The following TNXB variants were observed in gnomAD, a reference collection of about 807,000 sequenced individuals.
TNXB encodes tenascin XB.
TNXB carries 183 observed loss-of-function variants against 340.5 expected under a neutral mutation model. That is an observed-to-expected ratio of 0.54 (90% CI 0.48 to 0.61). The LOEUF is 0.61. Among genes scored for constraint, TNXB ranks in the 20% least tolerant of loss-of-function variants. The probability of loss-of-function intolerance (pLI) is 0.00; values close to 1 mark genes in which losing one functional copy is unlikely to be tolerated. For missense variants in TNXB, 4,613 were observed against 5,446.4 expected (o/e 0.85, Z 4.82); for synonymous variants, 2,121 against 2,314.5 (o/e 0.92, Z 2.40).
intron 18 of TNXB, among the ~76,000 whole-genome samples, chr6:32,065,466 A>G (rs1178672135): frequency 1.3e-5 from 2 of 152,066 alleles, no homozygotes; most frequent in African/African-American, 4.8e-5. Flanking sequence ...CTCAATTGCA[A>G]TGTATCCTCC....
At position 32,046,730 on chromosome 6, in the gene TNXB, T is replaced by C; in HGVS notation, c.10325-274A>G. The C allele has an allele frequency of 2.8e-6, 1 of 362,366 alleles. No individual in the cohort carries two copies. The highest frequency in any genetic ancestry group is 5.0e-6 in the Non-Finnish European group (1 of 200,454). The allele number at this position is 362,366 out of a possible 1,614,324, so 22.4% of individuals were successfully genotyped here. A position where few individuals can be genotyped will look rare whatever the true frequency, so the allele number is the denominator to read the frequency against. On this transcript the variant is annotated intron_variant, in intron 30 of 43. Transcript: ENST00000644971. The surrounding 1 kb of genome is among the most constrained non-coding windows in gnomAD (Gnocchi z 6.9). Reference sequence around the variant, plus strand: ...TGCGCCAAATTCATTACAGATCATCTCCCGAGGGATGGGTGGCTGGGGGTG... The same window carrying C: ...TGCGCCAAATTCATTACAGATCATCCCCCGAGGGATGGGTGGCTGGGGGTG...
intron 11 of TNXB, among the ~76,000 whole-genome samples, chr6:32,076,914 A>G (rs1043506811): frequency 5.3e-4 from 80 of 152,304 alleles, no homozygotes; most frequent in African/African-American, 1.8e-3. Context: ...CCTGGGAGCC[A>G]GAGGTTGCAG....
chr6:32,079,174 G>A lies in TNXB; in HGVS notation c.4234C>T (p.Arg1412Trp), dbSNP rs761371066. The A allele has an allele frequency of 5.6e-6, 9 of 1,613,670 alleles. No individual in the cohort carries two copies. The Admixed American group carries it at 6.7e-5, about 12-fold the overall frequency. ...FTVQYKDRDG[R>W]PRAVRVGGKE... ...CCCCCAACACGCACCGCCCGGGGCC[G>A]CCCATCCCTGTCCTTGTACTGCACG... Residue 1412 changes from arginine (R) to tryptophan (W), a missense_variant, in exon 11 of 44, where the codon CGG becomes TGG. Physicochemically the swap from Arg to Trp is moderately radical, Grantham distance 101 (BLOSUM62 -3). Coordinates refer to ENST00000644971, the MANE Select transcript of TNXB (RefSeq NM_001365276.2). This position sits in a 1 kb window ranked among gnomAD's most constrained non-coding sequence, Gnocchi z 7.1.
At position 32,062,371 on chromosome 6, in the gene TNXB, G is replaced by A. The variant is rs773553350; in HGVS notation, c.6954C>T (p.Ser2318=). Residue 2318 remains serine, a synonymous_variant, in exon 20 of 44, where the codon TCC becomes TCT. Coordinates refer to ENST00000644971, the MANE Select transcript of TNXB (RefSeq NM_001365276.2). The surrounding 1 kb of genome is among the most constrained non-coding windows in gnomAD (Gnocchi z 4.3). The part of the protein sequence containing the change: ...ELTVTDATPD[S]LSLSWTVPEG... ...CGGGAACCGTCCAGGACAGGCTGAGGGAGTCAGGGGTCGCATCTGTCACGG... is the reference window on the plus strand; with the variant it reads ...CGGGAACCGTCCAGGACAGGCTGAGAGAGTCAGGGGTCGCATCTGTCACGG... The A allele has an allele frequency of 1.2e-6, 2 of 1,613,366 alleles. No individual in the cohort carries two copies. Among genetic ancestry groups the A allele is most frequent in the Non-Finnish European group, 8.5e-7 (1 of 1,179,888 alleles).
At position 32,052,432 on chromosome 6, in the gene TNXB, C is replaced by G. The variant is rs1777335613; in HGVS notation, c.9115+238G>C. Among the ~76,000 whole-genome samples, 1 of 146,318 alleles carries G rather than the reference C, an allele frequency of 6.8e-6. No individual in the cohort carries two copies. Among genetic ancestry groups the G allele is most frequent in the Non-Finnish European group, 1.5e-5 (1 of 66,948 alleles). On this transcript the variant is annotated intron_variant, in intron 26 of 43. Transcript: ENST00000644971. The surrounding 1 kb of genome is among the most constrained non-coding windows in gnomAD (Gnocchi z 4.7). ...AGCCACTGTACTCCAGCCTGGGTGA[C>G]AAAGCGAGACTCTATCTCAAAAAAA...
chr6:32,043,820 C>A lies in TNXB; in HGVS notation c.11459G>T (p.Arg3820Leu), dbSNP rs765400545. The stretch of plus-strand genomic sequence containing the variant: ...GACCGAGACCACGGTCACCTCATAG[C>A]GAGCGCCTGGGATCAGCCCCTGGAG... The part of the protein sequence containing the change: ...QKLQGLIPGA[R>L]YEVTVVSVRG... The change falls in exon 35 of 44, where the codon CGC (arginine) becomes CTC (leucine). Residue 3820 changes from arginine to leucine, a missense_variant. Physicochemically the swap from Arg to Leu is moderately radical, Grantham distance 102 (BLOSUM62 -2). Around this residue, in one of 7 missense-constraint regions of TNXB, gnomAD observed 114 missense variants for 104.5 expected, o/e 1.09. Coordinates refer to ENST00000644971, the MANE Select transcript of TNXB (RefSeq NM_001365276.2). 3 of 1,613,610 alleles carry A rather than the reference C, an allele frequency of 1.9e-6. No individual in the cohort carries two copies. The South Asian group carries it at 3.3e-5, about 18-fold the overall frequency.
At position 32,096,721 on chromosome 6, in the gene TNXB, G is replaced by C. The variant is rs372983350; in HGVS notation, c.1132C>G (p.Arg378Gly). 1 of 1,548,994 alleles carries C rather than the reference G, an allele frequency of 6.5e-7. No homozygotes were observed. The highest frequency in any genetic ancestry group is 1.4e-5 in the African/African-American group (1 of 72,256). ...CSTRTCPRDC[R>G]GRGRCEDGEC... ...CCGTCCTCGCAGCGCCCGCGGCCCC[G>C]GCAGTCCCTCGGACATGTCCGCGTG... The change falls in exon 3 of 44, where the codon CGG (arginine) becomes GGG (glycine). Residue 378 changes from arginine (R) to glycine (G), a missense_variant. Arg to Gly is a moderately radical substitution (Grantham distance 125). Transcript: ENST00000644971.
Position 32,069,837 on chromosome 6 carries a change from G to C in TNXB, c.5303C>G (p.Thr1768Ser). Residue 1768 changes from threonine (T) to serine (S), a missense_variant, in exon 15 of 44, where the codon ACT (threonine) becomes AGT (serine). Thr to Ser is a moderately conservative substitution (Grantham distance 58). This residue lies in a region of TNXB where 4,327 missense variants were observed against 4,859.4 expected (regional missense o/e 0.89). Coordinates refer to ENST00000644971, the MANE Select transcript of TNXB (RefSeq NM_001365276.2). The surrounding 1 kb of genome is among the most constrained non-coding windows in gnomAD (Gnocchi z 6.2). The part of the protein sequence containing the change: ...TTEARSAMDD[T>S]GTKRPPKPRL... ...GGGTTTTGGGGGACGCTTTGTTCCA[G>C]TATCATCCATAGCACTCCGGGCTTC... is the stretch of plus-strand genomic sequence containing the variant. 6.2e-7 allele frequency: 1 copy of C among 1,606,762 alleles called. No homozygotes were observed. Among genetic ancestry groups the C allele is most frequent in the Non-Finnish European group, 8.5e-7 (1 of 1,176,222 alleles).
In TNXB at chr6:32,089,208, A is replaced by G; in HGVS notation, c.2515+15T>C. On this transcript the variant is annotated intron_variant, in intron 5 of 43. Transcript: ENST00000644971. The surrounding 1 kb of genome is among the most constrained non-coding windows in gnomAD (Gnocchi z 6.2). ...CTCCACTCAGGACACCCCTCCCCAC[A>G]GCCCCAGCTCTCACTGGTGGTGATG... The G allele has an allele frequency of 6.3e-7, 1 of 1,586,738 alleles. No individual in the cohort carries two copies. The highest frequency in any genetic ancestry group is 1.3e-5 in the African/African-American group (1 of 74,538).
At position 32,067,183 on chromosome 6, in the gene TNXB, G is replaced by GAAAGAAAGAAAGA; in HGVS notation, c.6544+477_6544+478insTCTTTCTTTCTTT. 6.6e-6 allele frequency among the ~76,000 whole-genome samples: 1 copy of GAAAGAAAGAAAGA among 150,618 alleles called. No individual in the cohort carries two copies. The highest frequency in any genetic ancestry group is 1.5e-5 in the Non-Finnish European group (1 of 67,652). ...AGAAAGAAAGAAAGAAAGAAAGAAAGAAAACATTCTAGTGATTCTAGTGGA... is the reference window on the plus strand; with the variant it reads ...AGAAAGAAAGAAAGAAAGAAAGAAAGAAAGAAAGAAAGAAAAACATTCTAGTGATTCTAGTGGA... On this transcript the variant is annotated intron_variant, in intron 18 of 43. Transcript: ENST00000644971. This position sits in a 1 kb window ranked among gnomAD's most constrained non-coding sequence, Gnocchi z 4.2.
intron 25 of TNXB, 64 bp downstream of exon 25, chr6:32,053,324 C>A: frequency 6.4e-7 from 1 of 1,564,272 alleles, no homozygotes; most frequent in Middle Eastern, 2.2e-4. Context: ...GCCAGTTCAC[C>A]CATCACCAGA....
rs1444654080 is a variant in TNXB at position 32,052,296 on chromosome 6, A to G, written c.9115+374T>C. 6.6e-6 allele frequency among the ~76,000 whole-genome samples: 1 copy of G among 152,040 alleles called. No homozygotes were observed. The highest frequency in any genetic ancestry group is 1.5e-5 in the Non-Finnish European group (1 of 67,988). On this transcript the variant is annotated intron_variant, in intron 26 of 43. Transcript: ENST00000644971. The surrounding 1 kb of genome is among the most constrained non-coding windows in gnomAD (Gnocchi z 4.7). Reference sequence around the variant, plus strand: ...GAAACCCATCTCTACTAAAAATATGAAAAAATTAGCTGGGCGTGGTGGCGC... The same window carrying G: ...GAAACCCATCTCTACTAAAAATATGGAAAAATTAGCTGGGCGTGGTGGCGC...
intron 1 of TNXB, among the ~76,000 whole-genome samples, chr6:32,107,143 C>T (rs1490768070): frequency 6.6e-6 from 1 of 152,182 alleles, no homozygotes; most frequent in African/African-American, 2.4e-5. Flanking sequence ...GAGGCCCTTC[C>T]CAGTGGGAAG....
intron 18 of TNXB, among the ~76,000 whole-genome samples, chr6:32,066,434 A>C (rs1778344444): frequency 6.6e-6 from 1 of 151,828 alleles, no homozygotes. Context: ...AATCAATAGC[A>C]ATGTAGTAAG....
intron 22 of TNXB, 113 bp from the exon 23 acceptor site, chr6:32,057,016 C>A (rs1395740870): frequency 6.1e-6 from 8 of 1,321,094 alleles, no homozygotes; most frequent in African/African-American, 1.4e-5. Context: ...ATGCTGCCCA[C>A]AGCCCCTCCA....
rs769839272 is a variant in TNXB, at chr6:32,096,229, C to T, written c.1624G>A (p.Val542Met). 40 of 1,568,860 alleles carry T rather than the reference C, an allele frequency of 2.5e-5. No homozygotes were observed. Among genetic ancestry groups the T allele is most frequent in the Non-Finnish European group, 3.4e-5 (39 of 1,160,854 alleles). The change falls in exon 3 of 44, where the codon GTG becomes ATG. Residue 542 changes from valine to methionine, a missense_variant. By Grantham distance (21) the Val-to-Met change is conservative. Around this residue, in one of 7 missense-constraint regions of TNXB, gnomAD observed 4,327 missense variants for 4,859.4 expected, o/e 0.89. Transcript: ENST00000644971. ...CRGHGLCEDG[V>M]CVCDAGYSGE... is the part of the protein sequence containing the mutation. ...GAGTAGCCTGCGTCACACACGCACACGCCATCCTCGCAAAGGCCGTGCCCA... is the reference window on the plus strand; with the variant it reads ...GAGTAGCCTGCGTCACACACGCACATGCCATCCTCGCAAAGGCCGTGCCCA...
intron 1 of TNXB, among the ~76,000 whole-genome samples, chr6:32,102,470 A>G (rs759950618): frequency 3.3e-5 from 5 of 152,270 alleles, no homozygotes; most frequent in Non-Finnish European, 7.3e-5. Flanking sequence ...CTATTGCTAC[A>G]TGCAACATGG....
chr6:32,079,403 TTGC>T lies in TNXB; in HGVS notation c.4043-41_4043-39del. 2 of 1,504,460 alleles carry T rather than the reference TTGC, an allele frequency of 1.3e-6. No homozygotes were observed. Among genetic ancestry groups the T allele is most frequent in the Non-Finnish European group, 9.0e-7 (1 of 1,108,326 alleles). 93.2% of individuals were successfully genotyped at this position (1,504,460 alleles called of 1,614,324 possible). A position where few individuals can be genotyped will look rare whatever the true frequency, so the allele number is the denominator to read the frequency against. Reference sequence around the variant, plus strand: ...ATAGAGGCATAAAGGGCTGCTGGCTTTGCTGCTGCTGCCCACAGATGACAGCCA... The same window carrying T: ...ATAGAGGCATAAAGGGCTGCTGGCTTTGCTGCTGCCCACAGATGACAGCCA... On this transcript the variant is annotated intron_variant, in intron 10 of 43. Coordinates refer to ENST00000644971, the MANE Select transcript of TNXB (RefSeq NM_001365276.2). This position sits in a 1 kb window ranked among gnomAD's most constrained non-coding sequence, Gnocchi z 7.1.
intron 26 of TNXB, 133 bp from the exon 27 acceptor site, chr6:32,050,454 C>T (rs1311086132): frequency 3.4e-6 from 4 of 1,182,250 alleles, no homozygotes; most frequent in Non-Finnish European, 2.4e-6. Flanking sequence ...GCTCTTCATC[C>T]TCTCCTCCCC....
Sources: gnomAD v4.1 joint callset for allele counts (sites outside exome capture counted in the v4.1 genomes callset) on GRCh38, gnomAD v4.1.1 for gene constraint, gnomAD v4.1.1 regional missense constraint, Gnocchi (gnomAD v3.1) non-coding constraint, MANE v1.5 for transcripts, NCBI Gene and HGNC (gene_info 2026-07-23, HGNC 2026-07-21) for gene names.